FGGY: variants seen among roughly 807,000 people sequenced by gnomAD.
FGGY encodes the protein FGGY carbohydrate kinase domain containing.
FGGY carries 72 observed loss-of-function variants against 71.3 expected under a neutral mutation model. That is an observed-to-expected ratio of 1.01 (90% CI 0.84 to 1.23). FGGY has a LOEUF of 1.23. Among genes scored for constraint, FGGY ranks in the 50% most tolerant of loss-of-function variants. The pLI, the probability that FGGY is intolerant of heterozygous loss-of-function variation, is 0.00. For missense variants in FGGY, 668 were observed against 682.3 expected (o/e 0.98, Z 0.23); for synonymous variants, 251 against 250.3 (o/e 1.00, Z -0.02).
chr1:59,542,724 G>A (rs1224590522), intron 7 of FGGY, among the ~76,000 whole-genome samples: 1 of 152,072 alleles, frequency 6.6e-6, no homozygotes, highest in African/African-American at 2.4e-5. Flanking sequence ...CCAAAGTGCC[G>A]GGATTACAGG....
chr1:59,510,245 G>GTA (rs2153628033), intron 6 of FGGY, among the ~76,000 whole-genome samples: 1 of 152,052 alleles, frequency 6.6e-6, no homozygotes, highest in African/African-American at 2.4e-5. Flanking sequence ...TTTTTCTTCT[G>GTA]TAAACCACAA....
intron 13 of FGGY, among the ~76,000 whole-genome samples, chr1:59,669,079 C>T (rs1255927547): frequency 6.6e-6 from 1 of 152,026 alleles, no homozygotes; most frequent in African/African-American, 2.4e-5. Context: ...AACCAAGCAC[C>T]TACTATGTGT....
chr1:59,714,924 G>A (rs554926903), intron 14 of FGGY, among the ~76,000 whole-genome samples: 1 of 152,296 alleles, frequency 6.6e-6, no homozygotes, highest in South Asian at 2.1e-4. Flanking sequence ...CCTTGACCCA[G>A]GAAAGAGTTA....
chr1:59,368,752 T>A (rs967460307), intron 4 of FGGY, among the ~76,000 whole-genome samples: 3 of 152,188 alleles, frequency 2.0e-5, no homozygotes, highest in African/African-American at 7.2e-5. Context: ...TTGGCCAATA[T>A]GGCATTTGAT....
At chr1:59,531,237 T>C (rs1456745622) in intron 7 of FGGY, among the ~76,000 whole-genome samples, 1 of 152,198 alleles carries the variant, frequency 6.6e-6, no homozygotes, top group Non-Finnish European at 1.5e-5. Context: ...CTTTTTTATA[T>C]AGGTGTGAAG....
intron 12 of FGGY, among the ~76,000 whole-genome samples, chr1:59,663,645 A>G (rs1426635010): frequency 6.6e-6 from 1 of 152,218 alleles, no homozygotes; most frequent in Non-Finnish European, 1.5e-5. Context: ...GACCTTTATA[A>G]TACCATGAAA....
chr1:59,552,288 G>A (rs967475269), intron 7 of FGGY, among the ~76,000 whole-genome samples: 5 of 152,262 alleles, frequency 3.3e-5, no homozygotes, highest in Admixed American at 6.5e-5. Flanking sequence ...GCAGAGCAGC[G>A]GACTTGATCT....
intron 14 of FGGY, among the ~76,000 whole-genome samples, chr1:59,702,787 A>G (rs866696050): frequency 6.6e-6 from 1 of 152,154 alleles, no homozygotes; most frequent in Non-Finnish European, 1.5e-5. Flanking sequence ...TCTTAGTTAT[A>G]CCTGCTGAGG....
At chr1:59,525,664 G>A (rs1287639077) in intron 7 of FGGY, among the ~76,000 whole-genome samples, 4 of 152,166 alleles carry the variant, frequency 2.6e-5, no homozygotes, top group Non-Finnish European at 5.9e-5. Flanking sequence ...GGTAGATGAC[G>A]TCTTCCTTCT....
intron 8 of FGGY, among the ~76,000 whole-genome samples, chr1:59,574,206 C>T (rs1482659109): frequency 2.6e-5 from 4 of 152,186 alleles, no homozygotes; most frequent in Non-Finnish European, 5.9e-5. Flanking sequence ...CTGGAGGTTC[C>T]AGGGGAAAAC....
chr1:59,661,673 A>G (rs1210862372), intron 12 of FGGY, among the ~76,000 whole-genome samples: 1 of 152,002 alleles, frequency 6.6e-6, no homozygotes, highest in Non-Finnish European at 1.5e-5. Flanking sequence ...TGATGATAAT[A>G]ATGAGTGAAT....
At chr1:59,400,198 T>C (rs1306451898) in intron 5 of FGGY, among the ~76,000 whole-genome samples, 1 of 152,232 alleles carries the variant, frequency 6.6e-6, no homozygotes. Flanking sequence ...CACTGCAGAA[T>C]TGGGCTGCAG....
intron 8 of FGGY, among the ~76,000 whole-genome samples, chr1:59,580,106 C>G (rs182638848): frequency 6.6e-6 from 1 of 152,296 alleles, no homozygotes; most frequent in African/African-American, 2.4e-5. Context: ...TAAGGTCTAT[C>G]CAGACCACCC....
chr1:59,459,894 A>G (rs1487345914), intron 6 of FGGY, among the ~76,000 whole-genome samples: 3 of 152,206 alleles, frequency 2.0e-5, no homozygotes, highest in Non-Finnish European at 4.4e-5. Flanking sequence ...GATTATCTGC[A>G]TTACTAACAG....
chr1:59,368,932 G>A (rs2057047199), intron 4 of FGGY, among the ~76,000 whole-genome samples: 1 of 152,102 alleles, frequency 6.6e-6, no homozygotes, highest in African/African-American at 2.4e-5. Context: ...TCGGGGAGGA[G>A]CCAAGATGGC....
At chr1:59,665,823 G>A (rs1024582729) in intron 12 of FGGY, among the ~76,000 whole-genome samples, 3 of 151,976 alleles carry the variant, frequency 2.0e-5, no homozygotes, top group South Asian at 4.2e-4. Flanking sequence ...ACAGGTGCCC[G>A]TCACCACGCC....
intron 14 of FGGY, among the ~76,000 whole-genome samples, chr1:59,725,322 T>A (rs2097933531): frequency 6.6e-6 from 1 of 152,216 alleles, no homozygotes; most frequent in African/African-American, 2.4e-5. Context: ...CTTGGTTCCA[T>A]TGATCTATTT....
chr1:59,516,435 G>T (rs766284230), intron 7 of FGGY, among the ~76,000 whole-genome samples: 57 of 152,218 alleles, frequency 3.7e-4, no homozygotes, highest in Non-Finnish European at 7.9e-4. Context: ...TAGCTTAATA[G>T]TATAGGTTTG....
At chr1:59,569,170 C>A (rs753785180) in intron 8 of FGGY, among the ~76,000 whole-genome samples, 1 of 152,128 alleles carries the variant, frequency 6.6e-6, no homozygotes. Flanking sequence ...ACTTTCTAAT[C>A]CTCACAACAA....
Sources: allele counts gnomAD v4.1 joint callset (sites outside exome capture counted in the v4.1 genomes callset), GRCh38; gene constraint gnomAD v4.1.1; transcripts MANE v1.5; gene names NCBI Gene and HGNC (gene_info 2026-07-23, HGNC 2026-07-21).